The following KDM5B variants were observed in gnomAD, a reference collection of about 807,000 sequenced individuals.
KDM5B encodes the protein lysine-specific demethylase 5B.
KDM5B carries 144 observed loss-of-function variants against 193.4 expected under a neutral mutation model. That is an observed-to-expected ratio of 0.74 (90% CI 0.65 to 0.86). KDM5B has a LOEUF of 0.86. Ranked by LOEUF, KDM5B falls within the 40% of genes least tolerant of loss-of-function variation. The pLI, the probability that KDM5B is intolerant of heterozygous loss-of-function variation, is 0.00. For missense variants in KDM5B, 1,833 were observed against 1,886.9 expected, an observed-to-expected ratio of 0.97 and a Z score of 0.53; for synonymous variants, 668 against 682.6, an observed-to-expected ratio of 0.98 and a Z score of 0.33.
At chr1:202,768,508 C>T (rs546194623) in intron 4 of KDM5B, among the ~76,000 whole-genome samples, 1 of 152,154 alleles carries the variant, frequency 6.6e-6, no homozygotes, top group Admixed American at 6.5e-5. Flanking sequence ...AATACAGAGA[C>T]TGGGCGAAGA....
intron 19 of KDM5B, 123 bp from the exon 20 acceptor site, chr1:202,740,935 T>C (rs866524445): frequency 8.7e-5 from 82 of 940,910 alleles, no homozygotes; most frequent in Middle Eastern, 3.4e-4. Flanking sequence ...TCAAATGACA[T>C]TGTCTATTCC....
chr1:202,761,956 T>C lies in KDM5B; in HGVS notation c.918+743A>G, dbSNP rs542227744. Among the ~76,000 whole-genome samples, 24 of 152,094 alleles carry C rather than the reference T, an allele frequency of 1.6e-4. 1 individual carries two copies. Among genetic ancestry groups the C allele is most frequent in the African/African-American group, 5.5e-4 (23 of 41,472 alleles). Reference sequence around the variant, plus strand: ...TAGCTCTGTCAGTTTTCTGATTGTATTGGGGAGAGGGGGTGGGGCAGAAGG... The same window carrying C: ...TAGCTCTGTCAGTTTTCTGATTGTACTGGGGAGAGGGGGTGGGGCAGAAGG... On this transcript the variant is annotated intron_variant, in intron 7 of 26. Coordinates refer to ENST00000367265, the MANE Select transcript of KDM5B (RefSeq NM_006618.5).
At chr1:202,807,793 C>T (rs1032957698) in intron 1 of KDM5B, among the ~76,000 whole-genome samples, 14 of 152,060 alleles carry the variant, frequency 9.2e-5, no homozygotes, top group Non-Finnish European at 4.4e-5. Flanking sequence ...CCACCCCCGG[C>T]TCCTGCCATC....
intron 25 of KDM5B, 100 bp from the exon 26 acceptor site, chr1:202,730,127 C>G: frequency 9.6e-7 from 1 of 1,037,402 alleles, no homozygotes; most frequent in Non-Finnish European, 1.4e-6. Flanking sequence ...TCAGATGATC[C>G]CCCAATCTAC....
At chr1:202,762,523 T>G (rs142581902) in intron 7 of KDM5B, among the ~76,000 whole-genome samples, 176 bp downstream of exon 7, 148 of 152,364 alleles carry the variant, frequency 9.7e-4, no homozygotes, top group African/African-American at 3.3e-3. Flanking sequence ...TATTTCCTCA[T>G]TTATTAACTA....
Position 202,745,838 on chromosome 1 carries a change from T to G in KDM5B, c.2323+20A>C. On this transcript the variant is annotated intron_variant, in intron 16 of 26. Transcript: ENST00000367265. ...AAGCCCCAATTTGCCAATCACCAAG[T>G]CACTTTCTGTATCACATACTTTTCT... The G allele has an allele frequency of 6.2e-7, 1 of 1,613,666 alleles. No homozygotes were observed. Among genetic ancestry groups the G allele is most frequent in the Non-Finnish European group, 8.5e-7 (1 of 1,179,642 alleles).
chr1:202,737,199 A>C (rs986297581), intron 20 of KDM5B, among the ~76,000 whole-genome samples: 1 of 152,258 alleles, frequency 6.6e-6, no homozygotes, highest in African/African-American at 2.4e-5. Context: ...AATATAAATT[A>C]TTCAGGAAAC....
At chr1:202,802,167 G>A (rs1382994621) in intron 1 of KDM5B, among the ~76,000 whole-genome samples, 1 of 152,076 alleles carries the variant, frequency 6.6e-6, no homozygotes, top group African/African-American at 2.4e-5. Context: ...AGAAGTACAC[G>A]CATAGGCTTC....
chr1:202,782,636 A>G (rs1337350705), intron 1 of KDM5B, among the ~76,000 whole-genome samples: 1 of 152,198 alleles, frequency 6.6e-6, no homozygotes, highest in Non-Finnish European at 1.5e-5. Flanking sequence ...CCAAATCCCC[A>G]CTTAGAAACA....
chr1:202,743,016 A>C (rs1655409891), intron 16 of KDM5B, among the ~76,000 whole-genome samples: 1 of 152,080 alleles, frequency 6.6e-6, no homozygotes, highest in Admixed American at 6.5e-5. Context: ...CCTAGAGTTG[A>C]ACTTAAATAT....
In KDM5B at chr1:202,736,280, A is replaced by C; in HGVS notation, c.3197T>G (p.Val1066Gly). The C allele has an allele frequency of 6.2e-7, 1 of 1,612,616 alleles. No individual in the cohort carries two copies. The highest frequency in any genetic ancestry group is 8.5e-7 in the Non-Finnish European group (1 of 1,179,376). Reference protein sequence around the residue: ...LPRLETLVAEVQAWKECAVNT... With the variant: ...LPRLETLVAEGQAWKECAVNT... ...AACAGCACATTCTTTCCAAGCCTGAACCTCAGCTACTAGGGTTTCCAGTCT... is the reference window on the plus strand; with the variant it reads ...AACAGCACATTCTTTCCAAGCCTGACCCTCAGCTACTAGGGTTTCCAGTCT... The change falls in exon 21 of 27, where the codon GTT becomes GGT. Residue 1066 changes from valine to glycine, a missense_variant. Transcript: ENST00000367265.
intron 1 of KDM5B, among the ~76,000 whole-genome samples, chr1:202,787,574 GTA>G (rs1286710747): frequency 1.3e-5 from 2 of 151,792 alleles, no homozygotes; most frequent in Non-Finnish European, 2.9e-5. Flanking sequence ...ATCAGGTGTG[GTA>G]TATTGTTTCG....
intron 16 of KDM5B, among the ~76,000 whole-genome samples, chr1:202,744,809 A>G (rs1362378279): frequency 6.6e-6 from 1 of 152,248 alleles, no homozygotes; most frequent in Non-Finnish European, 1.5e-5. Context: ...ATATACCCAA[A>G]GGAATATACA....
rs532751350 is a variant in KDM5B at position 202,787,496 on chromosome 1, G to A, written c.205-10402C>T. ...TAATCTCTTTAATCTGTAATGCATTGTATTATTTTGCAAATCTCTTTAATG... is the reference window on the plus strand; with the variant it reads ...TAATCTCTTTAATCTGTAATGCATTATATTATTTTGCAAATCTCTTTAATG... On this transcript the variant is annotated intron_variant, in intron 1 of 26. Transcript: ENST00000367265. Among the ~76,000 whole-genome samples the A allele has an allele frequency of 5.9e-4, 90 of 152,222 alleles. No individual in the cohort carries two copies. In the South Asian group the frequency reaches 0.015, roughly 26 times the overall value.
rs1388153974 is a variant in KDM5B, at chr1:202,753,124, T to C, written c.1539-57A>G. 9 of 1,453,492 alleles carry C rather than the reference T, an allele frequency of 6.2e-6. No individual in the cohort carries two copies. In the African/African-American group the frequency reaches 1.0e-4, roughly 16 times the overall value. The allele number at this position is 1,453,492 out of a possible 1,614,324, so 90.0% of individuals were successfully genotyped here. ...GCAACACCAACACAAACAAAATGGG[T>C]TACCAGTTCATATTTTTCAGACTCG... On this transcript the variant is annotated intron_variant, in intron 11 of 26. Transcript: ENST00000367265.
intron 1 of KDM5B, among the ~76,000 whole-genome samples, chr1:202,793,110 T>G (rs1657708285): frequency 6.6e-6 from 1 of 152,082 alleles, no homozygotes; most frequent in African/African-American, 2.4e-5. Context: ...ACACTGAACT[T>G]GGGAATAAAG....
At position 202,736,338 on chromosome 1, in the gene KDM5B, G is replaced by C. The variant is rs750775126; in HGVS notation, c.3139C>G (p.Arg1047Gly). The C allele has an allele frequency of 3.7e-6, 6 of 1,611,462 alleles. 1 individual carries two copies. In the Admixed American group the frequency reaches 1.0e-4, roughly 27 times the overall value. ...GAATTCAGATGTACGGGGATAGATCGGCCTCGTGTAACAAGTTCTATGAGT... is the reference window on the plus strand; with the variant it reads ...GAATTCAGATGTACGGGGATAGATCCGCCTCGTGTAACAAGTTCTATGAGT... ...DTLIELVTRG[R>G]SIPVHLNSLP... is the part of the protein sequence containing the mutation. The change falls in exon 21 of 27, where the codon CGA (arginine) becomes GGA (glycine). Residue 1047 changes from arginine (R) to glycine (G), a missense_variant. This residue lies in a region of KDM5B where 1,379 missense variants were observed against 1,349.6 expected (regional missense o/e 1.02). Transcript: ENST00000367265.
intron 1 of KDM5B, among the ~76,000 whole-genome samples, chr1:202,788,893 G>A (rs1398117616): frequency 6.6e-6 from 1 of 152,154 alleles, no homozygotes; most frequent in East Asian, 1.9e-4. Context: ...CCAAGGTTAA[G>A]AAAGGATTAT....
chr1:202,801,909 G>C (rs1386805029), intron 1 of KDM5B, among the ~76,000 whole-genome samples: 1 of 151,342 alleles, frequency 6.6e-6, no homozygotes, highest in Admixed American at 6.6e-5. Context: ...CCTCTGGTGA[G>C]TCCCCTTCAA....
Sources: allele counts gnomAD v4.1 joint callset (sites outside exome capture counted in the v4.1 genomes callset), GRCh38; gene constraint gnomAD v4.1.1; regional missense constraint gnomAD v4.1.1; transcripts MANE v1.5; gene names NCBI Gene and HGNC (gene_info 2026-07-23, HGNC 2026-07-21).